UBE2E3: variants seen among roughly 807,000 people sequenced by gnomAD.
UBE2E3 encodes the protein ubiquitin conjugating enzyme E2 E3.
In UBE2E3, 5 loss-of-function variants were observed where a neutral mutation model predicts 23.6. That is an observed-to-expected ratio of 0.21 (90% confidence interval 0.11 to 0.44). The LOEUF is 0.44. Ranked by LOEUF, UBE2E3 falls within the 20% of genes least tolerant of loss-of-function variation. The pLI is 0.99. For missense variants in UBE2E3, 81 were observed against 249.8 expected (o/e 0.32, Z 4.55); for synonymous variants, 78 against 87.5 (o/e 0.89, Z 0.60).
At chr2:180,982,501 T>C (rs1684331872) in intron 2 of UBE2E3, among the ~76,000 whole-genome samples, 1 of 152,050 alleles carries the variant, frequency 6.6e-6, no homozygotes, top group Admixed American at 6.6e-5. Flanking sequence ...TTCTGACAGA[T>C]TGTTTAAGGA....
chr2:181,050,896 C>T (rs1686821672), intron 3 of UBE2E3, among the ~76,000 whole-genome samples: 1 of 151,844 alleles, frequency 6.6e-6, no homozygotes, highest in African/African-American at 2.4e-5. Flanking sequence ...TTGAAACTTC[C>T]TTCTTTCTTG....
At chr2:181,057,627 G>A in intron 3 of UBE2E3, 66 bp from the exon 4 acceptor site, 3 of 1,361,536 alleles carry the variant, frequency 2.2e-6, no homozygotes, top group Non-Finnish European at 3.1e-6. Flanking sequence ...ACACTTCCCT[G>A]GTTTTAGGAT....
chr2:181,029,659 CT>C (rs61149975), intron 3 of UBE2E3, among the ~76,000 whole-genome samples: 43,903 of 116,092 alleles, frequency 0.38, 7,450 homozygotes, highest in East Asian at 0.64. Flanking sequence ...TGTAGACAAT[CT>C]TTTTTTTTTT....
chr2:181,048,587 A>G (rs1686739144), intron 3 of UBE2E3, among the ~76,000 whole-genome samples: 1 of 152,028 alleles, frequency 6.6e-6, no homozygotes, highest in Admixed American at 6.6e-5. Context: ...AACCACTAGC[A>G]CATACCTAGG....
intron 3 of UBE2E3, among the ~76,000 whole-genome samples, chr2:181,046,574 T>C (rs1038230525): frequency 2.0e-5 from 3 of 152,114 alleles, no homozygotes; most frequent in Non-Finnish European, 2.9e-5. Context: ...GTAATTCAGA[T>C]TTACAATATA....
At chr2:181,001,537 G>T (rs1279328997) in intron 3 of UBE2E3, among the ~76,000 whole-genome samples, 1 of 152,112 alleles carries the variant, frequency 6.6e-6, no homozygotes, top group Non-Finnish European at 1.5e-5. Flanking sequence ...CACCAGATAA[G>T]TAGGTTTGCT....
At position 181,046,928 on chromosome 2, in the gene UBE2E3, GA is replaced by G. The variant is rs557337013; in HGVS notation, c.246-10761del. Among the ~76,000 whole-genome samples, 46 of 152,188 alleles carry G rather than the reference GA, an allele frequency of 3.0e-4. 1 individual carries two copies. In the South Asian group the frequency reaches 7.7e-3, roughly 25 times the overall value. ...TATTTTTCAAATTAAAAATTACACAGAAAACTATTCAGAGTAGAAAGAGTAT... is the reference window on the plus strand; with the variant it reads ...TATTTTTCAAATTAAAAATTACACAGAAACTATTCAGAGTAGAAAGAGTAT... On this transcript the variant is annotated intron_variant, in intron 3 of 5. Coordinates refer to ENST00000410062, the MANE Select transcript of UBE2E3 (RefSeq NM_006357.4).
chr2:181,040,191 G>A (rs566376395), intron 3 of UBE2E3, among the ~76,000 whole-genome samples: 2 of 152,274 alleles, frequency 1.3e-5, no homozygotes, highest in African/African-American at 4.8e-5. Context: ...TGGATAAATG[G>A]AAGATTGCGT....
intron 3 of UBE2E3, among the ~76,000 whole-genome samples, chr2:181,036,106 A>T (rs1686270653): frequency 6.6e-6 from 1 of 152,230 alleles, no homozygotes; most frequent in South Asian, 2.1e-4. Context: ...CATCTTGTAC[A>T]TTCTAATTTT....
intron 3 of UBE2E3, among the ~76,000 whole-genome samples, chr2:181,025,539 CT>C (rs1685857432): frequency 6.6e-6 from 1 of 151,556 alleles, no homozygotes; most frequent in Admixed American, 6.6e-5. Context: ...TTTTAGAAGA[CT>C]TGTCTAAGTT....
chr2:181,019,319 C>G lies in UBE2E3; in HGVS notation c.245+35226C>G, dbSNP rs184408707. 4.3e-3 allele frequency among the ~76,000 whole-genome samples: 657 copies of G among 152,310 alleles called. 5 individuals are homozygous for G. The highest frequency in any genetic ancestry group is 0.014 in the African/African-American group (584 of 41,564). ...AATTCTTAGTTGATAGACGCTAAAT[C>G]ATTGGAACATGTTCAGCCGGTGCTC... is the stretch of plus-strand genomic sequence containing the variant. On this transcript the variant is annotated intron_variant, in intron 3 of 5. Transcript: ENST00000410062.
chr2:181,062,433 C>T (rs1206873108), intron 5 of UBE2E3, among the ~76,000 whole-genome samples: 1 of 151,454 alleles, frequency 6.6e-6, no homozygotes, highest in African/African-American at 2.4e-5. Context: ...TTAAAATTAA[C>T]CATTTTTGAA....
chr2:181,021,554 CCCTTCCTTCCTTCCTT>C (rs749212211), intron 3 of UBE2E3, among the ~76,000 whole-genome samples: 2 of 47,184 alleles, frequency 4.2e-5, no homozygotes, highest in Admixed American at 2.4e-4. Flanking sequence ...TAAATATACT[CCCTTCCTTCCTTCCTT>C]CCTCCCTCCC....
At chr2:181,055,764 T>C (rs1686971754) in intron 3 of UBE2E3, among the ~76,000 whole-genome samples, 1 of 151,772 alleles carries the variant, frequency 6.6e-6, no homozygotes, top group South Asian at 2.1e-4. Context: ...ATTTAAGAAC[T>C]AAGAATTTGG....
chr2:181,028,289 C>T (rs1481708337), intron 3 of UBE2E3, among the ~76,000 whole-genome samples: 2 of 151,874 alleles, frequency 1.3e-5, no homozygotes, highest in Non-Finnish European at 2.9e-5. Flanking sequence ...CGTGGATATA[C>T]TTGTATTCAT....
chr2:181,019,160 G>T (rs13389513), intron 3 of UBE2E3, among the ~76,000 whole-genome samples: 6 of 152,062 alleles, frequency 3.9e-5, no homozygotes, highest in African/African-American at 1.4e-4. Context: ...ACAGGGTTTC[G>T]TGTTGGTCAG....
chr2:181,033,033 CACAA>C (rs1686133662), intron 3 of UBE2E3, among the ~76,000 whole-genome samples: 1 of 152,016 alleles, frequency 6.6e-6, no homozygotes, highest in Admixed American at 6.6e-5. Context: ...TAAAAGAGGA[CACAA>C]ACAAATGGAA....
chr2:181,059,903 A>T lies in UBE2E3; in HGVS notation c.379-762A>T, dbSNP rs1047180515. Among the ~76,000 whole-genome samples, 8 of 148,444 alleles carry T rather than the reference A, an allele frequency of 5.4e-5. No individual in the cohort carries two copies. The East Asian group carries it at 7.9e-4, about 15-fold the overall frequency. On this transcript the variant is annotated intron_variant, in intron 4 of 5. Transcript: ENST00000410062. ...ACTGCTAGTTTTCAAATGATCAGAA[A>T]TTTTTTTTTTTCTCGGCAACTCCAA...
chr2:181,016,056 A>T (rs1685479867), intron 3 of UBE2E3, among the ~76,000 whole-genome samples: 1 of 118,888 alleles, frequency 8.4e-6, no homozygotes, highest in Non-Finnish European at 2.0e-5. Context: ...TTTTAGAAAG[A>T]TAAAATAACC....
Sources: gnomAD v4.1 joint callset for allele counts (sites outside exome capture counted in the v4.1 genomes callset) on GRCh38, gnomAD v4.1.1 for gene constraint, MANE v1.5 for transcripts, NCBI Gene and HGNC (gene_info 2026-07-23, HGNC 2026-07-21) for gene names.